BRINP3: variants seen among roughly 807,000 people sequenced by gnomAD.
The protein encoded by BRINP3 is BMP/retinoic acid inducible neural specific 3, also known as BMP/retinoic acid-inducible neural-specific protein 3.
A neutral mutation model predicts 71.0 loss-of-function variants in BRINP3; 19 were observed. The observed-to-expected ratio is 0.27, with a 90% CI of 0.19 to 0.39. BRINP3 has a LOEUF of 0.39. Among genes scored for constraint, BRINP3 ranks in the 10% least tolerant of loss-of-function variants. The pLI is 1.00. For synonymous variants in BRINP3, 380 were observed against 337.7 expected, an observed-to-expected ratio of 1.13 and a Z score of -1.37; for missense variants, 959 against 940.8, an observed-to-expected ratio of 1.02 and a Z score of -0.25.
intron 6 of BRINP3, among the ~76,000 whole-genome samples, chr1:190,183,460 T>C (rs1433529270): frequency 6.6e-6 from 1 of 152,060 alleles, no homozygotes; most frequent in Non-Finnish European, 1.5e-5. Flanking sequence ...AATGACAGAT[T>C]AAAGGCAGGT....
intron 2 of BRINP3, among the ~76,000 whole-genome samples, chr1:190,332,213 T>A (rs1667009934): frequency 1.3e-5 from 2 of 152,092 alleles, no homozygotes; most frequent in African/African-American, 4.8e-5. Flanking sequence ...TTTGCATATA[T>A]ACTGCCAACT....
chr1:190,220,506 G>A (rs964296730), intron 6 of BRINP3, among the ~76,000 whole-genome samples: 21 of 151,950 alleles, frequency 1.4e-4, no homozygotes, highest in Non-Finnish European at 2.9e-4. Context: ...AAAACTGCAC[G>A]TTCTGCACAT....
At chr1:190,302,511 AT>A (rs1664808561) in intron 2 of BRINP3, among the ~76,000 whole-genome samples, 1 of 151,668 alleles carries the variant, frequency 6.6e-6, no homozygotes, top group Non-Finnish European at 1.5e-5. Flanking sequence ...TTAATTTTGG[AT>A]TTGTATGAAC....
intron 7 of BRINP3, among the ~76,000 whole-genome samples, chr1:190,119,234 G>T (rs1251570592): frequency 6.6e-6 from 1 of 151,308 alleles, no homozygotes; most frequent in African/African-American, 2.4e-5. Context: ...TTACATGAAA[G>T]ATTTTTTCCA....
Position 190,238,629 on chromosome 1 carries a change from C to T in BRINP3, c.619-4152G>A, listed in dbSNP as rs192864816. Among the ~76,000 whole-genome samples the T allele has an allele frequency of 8.5e-5, 13 of 152,192 alleles. No homozygotes were observed. The East Asian group carries it at 1.4e-3, about 16-fold the overall frequency. ...AGTCTTATAAGCATACAAAGCCAGA[C>T]GATGCCAAGTGGTGACAATACAGTG... On this transcript the variant is annotated intron_variant, in intron 4 of 7. Transcript: ENST00000367462.
At chr1:190,286,557 C>T (rs1287277039) in intron 2 of BRINP3, among the ~76,000 whole-genome samples, 1 of 152,062 alleles carries the variant, frequency 6.6e-6, no homozygotes, top group African/African-American at 2.4e-5. Context: ...TTGACAAAAG[C>T]AGATGATGCA....
intron 7 of BRINP3, among the ~76,000 whole-genome samples, chr1:190,144,257 A>C (rs1655698554): frequency 6.6e-6 from 1 of 152,102 alleles, no homozygotes; most frequent in Non-Finnish European, 1.5e-5. Flanking sequence ...TGCTCATATA[A>C]AATAATACAA....
chr1:190,303,129 T>C (rs1395735524), intron 2 of BRINP3, among the ~76,000 whole-genome samples: 1 of 151,682 alleles, frequency 6.6e-6, no homozygotes, highest in Non-Finnish European at 1.5e-5. Flanking sequence ...TTTCTGAATA[T>C]AGAGCAGATG....
At chr1:190,214,759 G>A (rs1656260463) in intron 6 of BRINP3, among the ~76,000 whole-genome samples, 1 of 151,944 alleles carries the variant, frequency 6.6e-6, no homozygotes. Context: ...GAACAAATTA[G>A]GAAGAAGTCA....
In BRINP3 at chr1:190,396,713, G is replaced by GAGAT. The variant is rs1553310921; in HGVS notation, c.236+57941_236+57942insATCT. 2.5e-4 allele frequency among the ~76,000 whole-genome samples: 25 copies of GAGAT among 101,010 alleles called. 1 individual carries two copies. The highest frequency in any genetic ancestry group is 4.9e-4 in the Non-Finnish European group (24 of 49,350). The allele number at this position is 101,010 out of a possible 152,430, so 66.3% of individuals were successfully genotyped here. ...ACGCACTATGCATTCCTAATTTAAT[G>GAGAT]ATATATATATATATATATATATATA... On this transcript the variant is annotated intron_variant, in intron 2 of 7. Transcript: ENST00000367462.
At chr1:190,466,736 G>T (rs1205244994) in intron 1 of BRINP3, among the ~76,000 whole-genome samples, 1 of 151,464 alleles carries the variant, frequency 6.6e-6, no homozygotes, top group Non-Finnish European at 1.5e-5. Flanking sequence ...AGGCAGATTT[G>T]TCTCTGTTTT....
At chr1:190,269,818 G>T (rs1204372318) in intron 3 of BRINP3, among the ~76,000 whole-genome samples, 2 of 152,056 alleles carry the variant, frequency 1.3e-5, no homozygotes, top group Non-Finnish European at 2.9e-5. Context: ...ATTGCAAAAT[G>T]ATACAACTTA....
At chr1:190,099,387 G>A (rs1228650756) in intron 7 of BRINP3, among the ~76,000 whole-genome samples, 1 of 151,918 alleles carries the variant, frequency 6.6e-6, no homozygotes, top group Non-Finnish European at 1.5e-5. Context: ...GCTATACTTG[G>A]TCTGAACTGC....
chr1:190,169,451 A>T (rs1651826128), intron 6 of BRINP3, among the ~76,000 whole-genome samples: 1 of 152,164 alleles, frequency 6.6e-6, no homozygotes, highest in South Asian at 2.1e-4. Flanking sequence ...CTGGCATAGC[A>T]TCTGAGCCAG....
intron 4 of BRINP3, among the ~76,000 whole-genome samples, chr1:190,253,873 T>C (rs1660390230): frequency 6.6e-6 from 1 of 152,194 alleles, no homozygotes; most frequent in Non-Finnish European, 1.5e-5. Flanking sequence ...TTGCCTAGGT[T>C]TTCTTCTAGG....
chr1:190,182,861 C>A (rs776325347), intron 6 of BRINP3, among the ~76,000 whole-genome samples: 1 of 152,106 alleles, frequency 6.6e-6, no homozygotes, highest in Non-Finnish European at 1.5e-5. Context: ...TAATCAATTA[C>A]GCCTTTGTGA....
chr1:190,426,156 C>T (rs1335381717), intron 2 of BRINP3, among the ~76,000 whole-genome samples: 1 of 151,496 alleles, frequency 6.6e-6, no homozygotes, highest in African/African-American at 2.4e-5. Context: ...AATATATATC[C>T]AAAGGCAGAG....
intron 6 of BRINP3, among the ~76,000 whole-genome samples, chr1:190,179,641 A>G (rs1314964086): frequency 6.6e-6 from 1 of 152,140 alleles, no homozygotes; most frequent in African/African-American, 2.4e-5. Flanking sequence ...GTCTAATTAA[A>G]ATTCTCCAAG....
chr1:190,139,086 T>C (rs1208106277), intron 7 of BRINP3, among the ~76,000 whole-genome samples: 2 of 151,640 alleles, frequency 1.3e-5, no homozygotes, highest in African/African-American at 2.4e-5. Flanking sequence ...TACCTAAAAG[T>C]GCTTAGATTC....
Sources: gnomAD v4.1 joint callset for allele counts (sites outside exome capture counted in the v4.1 genomes callset) on GRCh38, gnomAD v4.1.1 for gene constraint, MANE v1.5 for transcripts, NCBI Gene and HGNC (gene_info 2026-07-23, HGNC 2026-07-21) for gene names.